SASH1: variants seen among roughly 807,000 people sequenced by gnomAD.
The protein encoded by SASH1 is SAM and SH3 domain containing 1, also known as SAM and SH3 domain-containing protein 1.
In SASH1, 44 loss-of-function variants were observed where a neutral mutation model predicts 125.2. That is an observed-to-expected ratio of 0.35 (90% CI 0.28 to 0.45). The LOEUF (loss-of-function observed/expected upper bound fraction) is 0.45, where lower values mean the gene tolerates loss of function less well. Ranked by LOEUF, SASH1 falls within the 20% of genes least tolerant of loss-of-function variation. The pLI is 1.00. For missense variants in SASH1, 1,426 were observed against 1,614.5 expected, an observed-to-expected ratio of 0.88 and a Z score of 2.00; for synonymous variants, 639 against 649.1, an observed-to-expected ratio of 0.98 and a Z score of 0.24.
At chr6:148,419,758 A>G (rs1355306152) in intron 2 of SASH1, among the ~76,000 whole-genome samples, 1 of 152,156 alleles carries the variant, frequency 6.6e-6, no homozygotes, top group African/African-American at 2.4e-5. Flanking sequence ...GCTATGTGCT[A>G]GGGGGAAATT....
intron 2 of SASH1, among the ~76,000 whole-genome samples, chr6:148,426,224 A>G (rs1775818766): frequency 6.6e-6 from 1 of 152,044 alleles, no homozygotes; most frequent in African/African-American, 2.4e-5. Flanking sequence ...AAATAAATAA[A>G]TAAATAAATA....
At chr6:148,429,806 T>C (rs567068374) in intron 2 of SASH1, among the ~76,000 whole-genome samples, 1 of 152,218 alleles carries the variant, frequency 6.6e-6, no homozygotes, top group South Asian at 2.1e-4. Context: ...TAGTACTCCC[T>C]TGTACAGGGA....
chr6:148,396,393 G>A (rs748523065), intron 2 of SASH1, among the ~76,000 whole-genome samples: 5 of 147,738 alleles, frequency 3.4e-5, no homozygotes, highest in African/African-American at 5.0e-5. Flanking sequence ...AAGGAGAATC[G>A]CTTGAACCCA....
the SASH1 span, among the ~76,000 whole-genome samples, chr6:148,260,530 C>T: frequency 2.0e-5 from 3 of 151,024 alleles, no homozygotes; most frequent in South Asian, 2.1e-4. Context: ...CACTTAAGCC[C>T]GGAAGTTTGA....
the SASH1 span, among the ~76,000 whole-genome samples, chr6:148,209,709 C>G: frequency 5.9e-5 from 9 of 152,144 alleles, no homozygotes; most frequent in Non-Finnish European, 1.2e-4. Context: ...ATTTTAGCAC[C>G]TCTCAGAATG....
intron 1 of SASH1, among the ~76,000 whole-genome samples, chr6:148,324,658 A>C (rs759992767): frequency 6.6e-6 from 1 of 152,204 alleles, no homozygotes; most frequent in African/African-American, 2.4e-5. Context: ...GGTATTTATT[A>C]AGATACATAG....
At chr6:148,243,412 T>G in the SASH1 span, among the ~76,000 whole-genome samples, 1 of 150,640 alleles carries the variant, frequency 6.6e-6, no homozygotes, top group South Asian at 2.1e-4. Flanking sequence ...ATAGTGCCAT[T>G]GCACTCCAGC....
At chr6:148,452,079 G>A (rs1777125468) in intron 4 of SASH1, among the ~76,000 whole-genome samples, 1 of 152,212 alleles carries the variant, frequency 6.6e-6, no homozygotes. Flanking sequence ...GTCCCCATGA[G>A]CTGTTAGAGC....
intron 7 of SASH1, among the ~76,000 whole-genome samples, chr6:148,475,998 A>G (rs1272985187): frequency 6.6e-6 from 1 of 152,206 alleles, no homozygotes; most frequent in African/African-American, 2.4e-5. Flanking sequence ...CATAGTACTG[A>G]AAGTCCTAGC....
At chr6:148,499,025 CA>C (rs1286780699) in intron 8 of SASH1, among the ~76,000 whole-genome samples, 1 of 149,856 alleles carries the variant, frequency 6.7e-6, no homozygotes, top group Non-Finnish European at 1.5e-5. Flanking sequence ...AATGTTGTCA[CA>C]ATTACCCATT....
Position 148,544,036 on chromosome 6 carries a change from G to A in SASH1, c.2566G>A (p.Glu856Lys), listed in dbSNP as rs1199040060. The A allele has an allele frequency of 9.3e-6, 15 of 1,613,960 alleles. No individual in the cohort carries two copies. Among genetic ancestry groups the A allele is most frequent in the Admixed American group, 8.3e-5 (5 of 59,986 alleles). The change falls in exon 18 of 20, where the codon GAG (glutamate) becomes AAG (lysine). Residue 856 changes from glutamate to lysine, a missense_variant. By Grantham distance (56) the Glu-to-Lys change is moderately conservative. Coordinates refer to ENST00000367467, the MANE Select transcript of SASH1 (RefSeq NM_015278.5). The surrounding 1 kb of genome is among the most constrained non-coding windows in gnomAD (Gnocchi z 6.4). ...EPGAEQDVPT[E>K]VTEPPPQIVP... Reference sequence around the variant, plus strand: ...TGGTGCTGAGCAAGACGTGCCTACCGAGGTGACAGAACCGCCCCCTCAGAT... The same window carrying A: ...TGGTGCTGAGCAAGACGTGCCTACCAAGGTGACAGAACCGCCCCCTCAGAT...
the SASH1 span, among the ~76,000 whole-genome samples, chr6:148,212,112 G>C: frequency 5.3e-5 from 8 of 152,208 alleles, no homozygotes; most frequent in Non-Finnish European, 1.0e-4. Context: ...CTGGGCAGCA[G>C]ACAGTCCTGG....
Position 148,545,997 on chromosome 6 carries a change from T to A in SASH1, c.3349-18T>A, listed in dbSNP as rs1278639783. ...ATCCTTATGACTCTTGATGTCATAT[T>A]CCTGTTCTCCCTGGCAGCATGGCCG... is the stretch of plus-strand genomic sequence containing the variant. On this transcript the variant is annotated intron_variant, in intron 18 of 19. Transcript: ENST00000367467. The A allele has an allele frequency of 6.2e-7, 1 of 1,611,396 alleles. No homozygotes were observed. The highest frequency in any genetic ancestry group is 1.7e-5 in the Admixed American group (1 of 59,246).
intron 1 of SASH1, among the ~76,000 whole-genome samples, chr6:148,294,926 A>G (rs1779725177): frequency 6.6e-6 from 1 of 152,260 alleles, no homozygotes; most frequent in South Asian, 2.1e-4. Flanking sequence ...ATGGGAATTA[A>G]AAAACACTGG....
chr6:148,408,419 A>G (rs1022899145), intron 2 of SASH1, among the ~76,000 whole-genome samples: 8 of 152,084 alleles, frequency 5.3e-5, no homozygotes, highest in African/African-American at 1.9e-4. Flanking sequence ...CTTTTCATAT[A>G]CTTATTAGCC....
At chr6:148,298,918 AAAAG>A (rs1779858385) in intron 1 of SASH1, among the ~76,000 whole-genome samples, 1 of 152,110 alleles carries the variant, frequency 6.6e-6, no homozygotes, top group African/African-American at 2.4e-5. Context: ...GGAAGGAAGG[AAAAG>A]AAAGACTCAC....
chr6:148,548,728 A>T lies in SASH1; in HGVS notation c.*170A>T. On this transcript the variant is annotated 3_prime_UTR_variant, in exon 20 of 20. Coordinates refer to ENST00000367467, the MANE Select transcript of SASH1 (RefSeq NM_015278.5). Reference sequence around the variant, plus strand: ...CACAGGACTGAGGATCCTCTCCTCCAGAAAAGCCCCCTCGAGGAAATAAAT... The same window carrying T: ...CACAGGACTGAGGATCCTCTCCTCCTGAAAAGCCCCCTCGAGGAAATAAAT... 1.6e-6 allele frequency: 1 copy of T among 643,670 alleles called. No homozygotes were observed. Among genetic ancestry groups the T allele is most frequent in the Admixed American group, 3.5e-5 (1 of 28,812 alleles). 39.9% of individuals were successfully genotyped at this position (643,670 alleles called of 1,614,324 possible). A position where few individuals can be genotyped will look rare whatever the true frequency, so the allele number is the denominator to read the frequency against.
intron 8 of SASH1, among the ~76,000 whole-genome samples, chr6:148,507,906 A>G (rs1779891878): frequency 6.6e-6 from 1 of 152,174 alleles, no homozygotes. Flanking sequence ...TGAAAAGACA[A>G]ACGTGACTTG....
At chr6:148,314,144 C>A (rs1582953089) in intron 1 of SASH1, among the ~76,000 whole-genome samples, 1 of 152,132 alleles carries the variant, frequency 6.6e-6, no homozygotes, top group African/African-American at 2.4e-5. Flanking sequence ...AGAGGATAAA[C>A]AACATGGAGT....
Sources: gnomAD v4.1 joint callset for allele counts (sites outside exome capture counted in the v4.1 genomes callset) on GRCh38, gnomAD v4.1.1 for gene constraint, Gnocchi (gnomAD v3.1) non-coding constraint, MANE v1.5 for transcripts, NCBI Gene and HGNC (gene_info 2026-07-23, HGNC 2026-07-21) for gene names.